PMS1: variants seen among roughly 807,000 people sequenced by gnomAD.
The protein encoded by PMS1 is PMS1 protein homolog 1.
PMS1 carries 79 observed loss-of-function variants against 93.1 expected under a neutral mutation model. That is an observed-to-expected ratio of 0.85 (90% CI 0.71 to 1.02). The LOEUF (loss-of-function observed/expected upper bound fraction) is 1.02, where lower values mean the gene tolerates loss of function less well. Among genes scored for constraint, PMS1 ranks in the 50% least tolerant of loss-of-function variants. The pLI is 0.00. For missense variants in PMS1, 1,064 were observed against 1,085.3 expected, an observed-to-expected ratio of 0.98 and a Z score of 0.28; for synonymous variants, 335 against 363.4, an observed-to-expected ratio of 0.92 and a Z score of 0.89.
intron 3 of PMS1, among the ~76,000 whole-genome samples, chr2:189,799,569 G>A (rs971534465): frequency 1.3e-5 from 2 of 152,198 alleles, no homozygotes; most frequent in South Asian, 2.1e-4. Context: ...CAGAGTTTTT[G>A]ATGATGATTT....
At chr2:189,785,603 C>G (rs750004688) in intron 1 of PMS1, 1 of 152,144 alleles carries the variant, frequency 6.6e-6, no homozygotes, top group Non-Finnish European at 1.5e-5. Flanking sequence ...GAGCAACAGA[C>G]AGAAACACAT....
intron 4 of PMS1, among the ~76,000 whole-genome samples, chr2:189,810,161 A>G (rs2050709623): frequency 6.6e-6 from 1 of 152,164 alleles, no homozygotes. Flanking sequence ...ATGACGTTTG[A>G]GTTTGAAGAT....
At chr2:189,853,584 C>T (rs1043965069) in intron 7 of PMS1, among the ~76,000 whole-genome samples, 17 of 146,912 alleles carry the variant, frequency 1.2e-4, no homozygotes, top group Admixed American at 4.8e-4. Flanking sequence ...AGCATGATTT[C>T]GGCTCACTGC....
At chr2:189,855,559 T>C (rs2055226951) in intron 9 of PMS1, among the ~76,000 whole-genome samples, 1 of 151,938 alleles carries the variant, frequency 6.6e-6, no homozygotes, top group Non-Finnish European at 1.5e-5. Flanking sequence ...CTTAAATTGG[T>C]CTCCAAAATA....
chr2:189,860,711 T>G (rs2055870474), intron 9 of PMS1, among the ~76,000 whole-genome samples: 1 of 151,830 alleles, frequency 6.6e-6, no homozygotes, highest in African/African-American at 2.4e-5. Context: ...GAATCAGGAT[T>G]CTGCAGTTGC....
intron 5 of PMS1, among the ~76,000 whole-genome samples, chr2:189,835,399 A>G (rs2053294695): frequency 6.6e-6 from 1 of 152,218 alleles, no homozygotes; most frequent in Non-Finnish European, 1.5e-5. Flanking sequence ...GGAATAATCT[A>G]TAATTTTATA....
chr2:189,813,925 G>A (rs2051051983), intron 4 of PMS1, among the ~76,000 whole-genome samples: 1 of 152,166 alleles, frequency 6.6e-6, no homozygotes, highest in African/African-American at 2.4e-5. Flanking sequence ...CATATAGGTA[G>A]TAGTTGAAGA....
intron 4 of PMS1, 86 bp from the exon 5 acceptor site, chr2:189,817,930 AG>A: frequency 1.0e-6 from 1 of 995,736 alleles, no homozygotes; most frequent in Non-Finnish European, 1.6e-6. Context: ...CAGTTATAGA[AG>A]GGGTTAATTA....
intron 5 of PMS1, among the ~76,000 whole-genome samples, chr2:189,837,329 A>T (rs1488385544): frequency 6.6e-6 from 1 of 151,800 alleles, no homozygotes. Flanking sequence ...GGGTCACACT[A>T]TGTTGCCCAG....
intron 6 of PMS1, among the ~76,000 whole-genome samples, chr2:189,844,643 C>CAAAAAAA (rs752620656): frequency 3.4e-4 from 21 of 62,504 alleles, no homozygotes; most frequent in African/African-American, 5.7e-4. Context: ...GATTCCATCT[C>CAAAAAAA]AAAAAAAAAA....
chr2:189,852,864 TA>T (rs892268224), intron 7 of PMS1, 87 bp downstream of exon 7: 235 of 829,624 alleles, frequency 2.8e-4, no homozygotes, highest in Middle Eastern at 1.0e-3. Flanking sequence ...TGCTCTAAAA[TA>T]AAAAAAAAGA....
chr2:189,795,969 G>T lies in PMS1; in HGVS notation c.315+18G>T. On this transcript the variant is annotated intron_variant, in intron 3 of 12. Coordinates refer to ENST00000441310, the MANE Select transcript of PMS1 (RefSeq NM_000534.5). Reference sequence around the variant, plus strand: ...TAGCTGAGGTAAGGTAATTATATTGGTTATTTTAGTGATTTCATATTCACT... The same window carrying T: ...TAGCTGAGGTAAGGTAATTATATTGTTTATTTTAGTGATTTCATATTCACT... 6.6e-7 allele frequency: 1 copy of T among 1,515,942 alleles called. No individual in the cohort carries two copies. The highest frequency in any genetic ancestry group is 1.7e-4 in the Middle Eastern group (1 of 5,870). 93.9% of individuals were successfully genotyped at this position (1,515,942 alleles called of 1,614,324 possible).
At chr2:189,867,127 T>C (rs1313170980) in intron 10 of PMS1, among the ~76,000 whole-genome samples, 1 of 152,210 alleles carries the variant, frequency 6.6e-6, no homozygotes, top group Admixed American at 6.5e-5. Flanking sequence ...CAAATATTCA[T>C]TGAAGGAGTG....
intron 12 of PMS1, among the ~76,000 whole-genome samples, chr2:189,874,791 G>C (rs574840433): frequency 6.6e-6 from 1 of 152,064 alleles, no homozygotes; most frequent in East Asian, 1.9e-4. Context: ...CCTATTGTGC[G>C]GGTAGCTTAA....
rs1445805528 is a variant in PMS1 at position 189,875,882 on chromosome 2, A to T, written c.2635-1390A>T. Among the ~76,000 whole-genome samples, 6 of 143,868 alleles carry T rather than the reference A, an allele frequency of 4.2e-5. No homozygotes were observed. In the East Asian group the frequency reaches 1.3e-3, roughly 30 times the overall value. 94.4% of individuals were successfully genotyped at this position (143,868 alleles called of 152,430 possible). ...TGAGGCAGGAGAACTGCTTGAACCC[A>T]GGAGGTGGAAGTTGGAGTGAGCTGA... is the stretch of plus-strand genomic sequence containing the variant. On this transcript the variant is annotated intron_variant, in intron 12 of 12. Coordinates refer to ENST00000441310, the MANE Select transcript of PMS1 (RefSeq NM_000534.5).
chr2:189,823,073 T>C (rs1249083270), intron 5 of PMS1, among the ~76,000 whole-genome samples: 2 of 151,176 alleles, frequency 1.3e-5, no homozygotes, highest in Non-Finnish European at 2.9e-5. Flanking sequence ...TTCATCTCTT[T>C]TTTCTTTTTT....
intron 12 of PMS1, among the ~76,000 whole-genome samples, chr2:189,874,762 G>A (rs1423507068): frequency 6.6e-6 from 1 of 152,158 alleles, no homozygotes; most frequent in Non-Finnish European, 1.5e-5. Context: ...TAGGAACTTT[G>A]TCATGTGGAA....
chr2:189,793,266 G>A (rs1259010672), intron 2 of PMS1, among the ~76,000 whole-genome samples: 2 of 152,194 alleles, frequency 1.3e-5, no homozygotes, highest in African/African-American at 2.4e-5. Context: ...ATGTTTGGGT[G>A]CATCAGAATA....
At chr2:189,819,450 T>C (rs1041754931) in intron 5 of PMS1, among the ~76,000 whole-genome samples, 1 of 152,190 alleles carries the variant, frequency 6.6e-6, no homozygotes, top group Non-Finnish European at 1.5e-5. Context: ...TTTTTAGAAC[T>C]AAAAATACTG....
Sources: gnomAD v4.1 joint callset for allele counts (sites outside exome capture counted in the v4.1 genomes callset) on GRCh38, gnomAD v4.1.1 for gene constraint, MANE v1.5 for transcripts, NCBI Gene and HGNC (gene_info 2026-07-23, HGNC 2026-07-21) for gene names.